Variants in MTUS2 observed in about 807,000 individuals in gnomAD.
MTUS2 encodes the protein microtubule associated scaffold protein 2.
MTUS2 carries 40 observed loss-of-function variants against 114.1 expected under a neutral mutation model. The observed-to-expected ratio is 0.35, with a 90% CI of 0.27 to 0.46. The LOEUF (loss-of-function observed/expected upper bound fraction) is 0.46, where lower values mean the gene tolerates loss of function less well. Ranked by LOEUF, MTUS2 falls within the 20% of genes least tolerant of loss-of-function variation. The pLI is 1.00. For synonymous variants in MTUS2, 688 were observed against 672.0 expected, an observed-to-expected ratio of 1.02 and a Z score of -0.37; for missense variants, 1,679 against 1,705.4, an observed-to-expected ratio of 0.98 and a Z score of 0.27.
chr13:29,386,260 G>A (rs1202765868), intron 8 of MTUS2, among the ~76,000 whole-genome samples: 1 of 152,156 alleles, frequency 6.6e-6, no homozygotes, highest in African/African-American at 2.4e-5. Context: ...CAATAGGAGA[G>A]GGAGATGGGA....
intron 2 of MTUS2, among the ~76,000 whole-genome samples, chr13:28,929,564 T>C (rs963516146): frequency 6.6e-6 from 1 of 152,100 alleles, no homozygotes; most frequent in Admixed American, 6.5e-5. Flanking sequence ...GCTGGAACCA[T>C]GACTTCAAGC....
intron 9 of MTUS2, among the ~76,000 whole-genome samples, chr13:29,454,301 A>G (rs188054186): frequency 1.0e-3 from 155 of 152,300 alleles, no homozygotes; most frequent in Non-Finnish European, 2.0e-3. Context: ...AGTCAGAAAG[A>G]TGATTCCAGG....
At chr13:29,045,859 T>C (rs1887590008) in intron 4 of MTUS2, among the ~76,000 whole-genome samples, 1 of 152,170 alleles carries the variant, frequency 6.6e-6, no homozygotes, top group African/African-American at 2.4e-5. Context: ...GGGCTGTAAA[T>C]TGAATCATGG....
chr13:29,367,608 G>T (rs1314809635), intron 8 of MTUS2, among the ~76,000 whole-genome samples: 2 of 152,126 alleles, frequency 1.3e-5, no homozygotes, highest in African/African-American at 4.8e-5. Flanking sequence ...AAGGGTCAGG[G>T]GGACCTGGGG....
chr13:29,201,713 T>G (rs1242394372), intron 5 of MTUS2, among the ~76,000 whole-genome samples: 1 of 152,228 alleles, frequency 6.6e-6, no homozygotes, highest in African/African-American at 2.4e-5. Flanking sequence ...TGATAAAATC[T>G]CTCAGCATTT....
At chr13:29,143,354 T>C (rs1029116118) in intron 5 of MTUS2, among the ~76,000 whole-genome samples, 1 of 152,214 alleles carries the variant, frequency 6.6e-6, no homozygotes, top group Non-Finnish European at 1.5e-5. Flanking sequence ...TTTCATTTTT[T>C]CTAAATTTGG....
chr13:29,386,322 G>A (rs1016160459), intron 8 of MTUS2, among the ~76,000 whole-genome samples: 6 of 152,166 alleles, frequency 3.9e-5, no homozygotes, highest in African/African-American at 9.6e-5. Flanking sequence ...CCATGGGCAC[G>A]GCGAAGGGTC....
At chr13:29,205,140 GA>G (rs1180209329) in intron 5 of MTUS2, among the ~76,000 whole-genome samples, 1 of 152,172 alleles carries the variant, frequency 6.6e-6, no homozygotes, top group Non-Finnish European at 1.5e-5. Flanking sequence ...GTGTGAAAAT[GA>G]ACACAATAAA....
In MTUS2 at chr13:29,359,417, A is replaced by G. The variant is rs778963052; in HGVS notation, c.3061A>G (p.Arg1021Gly). The G allele has an allele frequency of 6.2e-7, 1 of 1,613,540 alleles. No homozygotes were observed. Among genetic ancestry groups the G allele is most frequent in the East Asian group, 2.2e-5 (1 of 44,884 alleles). ...GGGCGTTGCGCAAGGGGAGCTGAAG[A>G]GGGCCATCTGCGGCTTTGATGCCCT... ...QLGVAQGELK[R>G]AICGFDALAV... The change falls in exon 8 of 16, where the codon AGG (arginine) becomes GGG (glycine). Residue 1021 changes from arginine to glycine, a missense_variant. Coordinates refer to ENST00000612955, the MANE Select transcript of MTUS2 (RefSeq NM_001033602.4).
At chr13:29,207,209 TTTAA>T (rs1282725006) in intron 5 of MTUS2, among the ~76,000 whole-genome samples, 1 of 152,206 alleles carries the variant, frequency 6.6e-6, no homozygotes. Flanking sequence ...GGTTGAGTTC[TTTAA>T]TTGATTGTCA....
chr13:28,918,948 A>C (rs148175151), intron 2 of MTUS2, among the ~76,000 whole-genome samples: 152 of 152,170 alleles, frequency 1.0e-3, no homozygotes, highest in African/African-American at 3.4e-3. Flanking sequence ...AGCAAAAAGA[A>C]AACTAATAAA....
At chr13:29,120,744 G>T (rs1891274099) in intron 5 of MTUS2, among the ~76,000 whole-genome samples, 1 of 152,158 alleles carries the variant, frequency 6.6e-6, no homozygotes, top group African/African-American at 2.4e-5. Flanking sequence ...ATCCCCTTGG[G>T]GTCCGATGTG....
intron 14 of MTUS2, among the ~76,000 whole-genome samples, chr13:29,499,292 C>T (rs1461774313): frequency 1.3e-5 from 2 of 152,186 alleles, no homozygotes; most frequent in African/African-American, 4.8e-5. Flanking sequence ...TCACCCTCTA[C>T]CCTGGGGCAC....
At chr13:28,879,131 A>T (rs1179028042) in intron 2 of MTUS2, among the ~76,000 whole-genome samples, 2 of 152,024 alleles carry the variant, frequency 1.3e-5, no homozygotes, top group African/African-American at 2.4e-5. Flanking sequence ...TCTTCTTTTG[A>T]GAAGTGTCTG....
At chr13:29,305,672 G>T (rs7319722) in intron 6 of MTUS2, among the ~76,000 whole-genome samples, 22,882 of 152,000 alleles carry the variant, frequency 0.15, 1,879 homozygotes, top group Non-Finnish European at 0.17. Context: ...AAAAACCCGT[G>T]ACCAGATGGA....
intron 4 of MTUS2, among the ~76,000 whole-genome samples, chr13:29,074,601 T>C (rs1256466465): frequency 6.6e-6 from 1 of 152,182 alleles, no homozygotes; most frequent in Non-Finnish European, 1.5e-5. Flanking sequence ...AGCTTTACTG[T>C]CCCTGAGGTA....
At position 29,359,273 on chromosome 13, in the gene MTUS2, C is replaced by G. The variant is rs1870022591; in HGVS notation, c.2917C>G (p.Gln973Glu). ...TTTCTTTCTCACAGGATACCCAAAG[C>G]AGAGGACTGCGGCAGCTCGAAATGG... ...TKLHSPGYPK[Q>E]RTAAARNGFP... Residue 973 changes from glutamine to glutamate, a missense_variant, in exon 8 of 16, where the codon CAG (glutamine) becomes GAG (glutamate). By Grantham distance (29) the Gln-to-Glu change is conservative. Around this residue, in one of 3 missense-constraint regions of MTUS2, gnomAD observed 822 missense variants for 899.7 expected, o/e 0.91. Coordinates refer to ENST00000612955, the MANE Select transcript of MTUS2 (RefSeq NM_001033602.4). The G allele has an allele frequency of 1.2e-6, 2 of 1,600,522 alleles. No individual in the cohort carries two copies. Among genetic ancestry groups the G allele is most frequent in the Admixed American group, 3.5e-5 (2 of 57,666 alleles).
At chr13:29,016,715 C>T (rs1420623016) in intron 2 of MTUS2, among the ~76,000 whole-genome samples, 1 of 152,086 alleles carries the variant, frequency 6.6e-6, no homozygotes. Flanking sequence ...ATATTCTGAA[C>T]ACAGTCCTGT....
intron 4 of MTUS2, among the ~76,000 whole-genome samples, chr13:29,080,715 ATCTC>A (rs1309444923): frequency 6.6e-6 from 1 of 151,524 alleles, no homozygotes; most frequent in Non-Finnish European, 1.5e-5. Flanking sequence ...TCAAATGTTA[ATCTC>A]TCTCTCTCTC....
Sources: allele counts gnomAD v4.1 joint callset (sites outside exome capture counted in the v4.1 genomes callset), GRCh38; gene constraint gnomAD v4.1.1; regional missense constraint gnomAD v4.1.1; transcripts MANE v1.5; gene names NCBI Gene and HGNC (gene_info 2026-07-23, HGNC 2026-07-21).